The following PATJ variants were observed in gnomAD, a reference collection of about 807,000 sequenced individuals.
PATJ encodes inaD-like protein.
Under a neutral mutation model 224.9 loss-of-function variants are expected in PATJ, and 190 were observed. That is an observed-to-expected ratio of 0.84 (90% CI 0.75 to 0.95). The LOEUF (loss-of-function observed/expected upper bound fraction) is 0.95, where lower values mean the gene tolerates loss of function less well. PATJ is among the 40% of genes least tolerant of loss of function. The pLI is 0.00. For missense variants in PATJ, 2,121 were observed against 2,270.3 expected, an observed-to-expected ratio of 0.93 and a Z score of 1.34; for synonymous variants, 769 against 820.3, an observed-to-expected ratio of 0.94 and a Z score of 1.07.
At position 61,795,549 on chromosome 1, in the gene PATJ, A is replaced by G. The variant is rs2148538552; in HGVS notation, c.1251A>G (p.Lys417=). The stretch of plus-strand genomic sequence containing the variant: ...ATGGCCACATTCAAGTGAATGACAA[A>G]ATAGTTGCTGTAAGTAACTCGCCTC... ...YHNGHIQVND[K]IVAVDGVNIQ... The change falls in exon 10 of 44, where the codon AAA becomes AAG. Residue 417 remains lysine (K), a synonymous_variant. Coordinates refer to ENST00000642238, the MANE Select transcript of PATJ (RefSeq NM_001350145.3). 1 of 1,604,072 alleles carries G rather than the reference A, an allele frequency of 6.2e-7. No individual in the cohort carries two copies. Among genetic ancestry groups the G allele is most frequent in the Non-Finnish European group, 8.5e-7 (1 of 1,171,898 alleles).
rs1557801282 is a variant in PATJ, at chr1:61,875,245, GAA to G, written c.2840_2841del (p.Lys947ArgfsTer15). ...TTTCTATTTTTCTTCCTCTCAAGAT[GAA>G]AGAAAATTTTGTCATGGAGTCCCTA... ...PYGYCPENVM[K>X]ENFVMESLPS... is the part of the protein sequence containing the mutation. On this transcript the variant is annotated frameshift_variant, in exon 21 of 44. Transcript: ENST00000642238. LOFTEE classifies it high-confidence loss of function. 6.3e-7 allele frequency: 1 copy of G among 1,586,134 alleles called. No individual in the cohort carries two copies. The highest frequency in any genetic ancestry group is 8.6e-7 in the Non-Finnish European group (1 of 1,161,564).
intron 37 of PATJ, 171 bp downstream of exon 37, chr1:62,117,389 A>AT: frequency 7.0e-7 from 1 of 1,419,878 alleles, no homozygotes; most frequent in Non-Finnish European, 9.2e-7. Flanking sequence ...TGGGATGGAA[A>AT]TTCATTAATC....
intron 41 of PATJ, among the ~76,000 whole-genome samples, chr1:62,139,068 C>T (rs1490479035): frequency 1.3e-5 from 2 of 151,986 alleles, no homozygotes; most frequent in African/African-American, 4.8e-5. Flanking sequence ...GAACCTTTCG[C>T]AGAAGTTTAC....
intron 22 of PATJ, among the ~76,000 whole-genome samples, chr1:61,896,949 G>A (rs1670454922): frequency 2.0e-5 from 3 of 152,122 alleles, no homozygotes; most frequent in Admixed American, 2.0e-4. Flanking sequence ...CCAGTCTCAG[G>A]TAGTATCTTT....
rs572880350 is a variant in PATJ at position 62,150,067 on chromosome 1, C to T, written c.5378+1677C>T. ...GGCATCTAGCTTCTCATTCCAGTATCTTTGGAAATGGGGGCTGTGTTTGAA... is the reference window on the plus strand; with the variant it reads ...GGCATCTAGCTTCTCATTCCAGTATTTTTGGAAATGGGGGCTGTGTTTGAA... On this transcript the variant is annotated intron_variant, in intron 42 of 43. Coordinates refer to ENST00000642238, the MANE Select transcript of PATJ (RefSeq NM_001350145.3). Among the ~76,000 whole-genome samples the T allele has an allele frequency of 8.5e-5, 13 of 152,244 alleles. No homozygotes were observed. In the South Asian group the frequency reaches 2.3e-3, roughly 27 times the overall value.
At chr1:61,993,486 A>G (rs12756068) in intron 28 of PATJ, among the ~76,000 whole-genome samples, 22,500 of 152,068 alleles carry the variant, frequency 0.15, 2,039 homozygotes, top group Non-Finnish European at 0.21. Flanking sequence ...GTCGGAACTG[A>G]ACATTCCAAG....
At chr1:61,886,980 CA>C (rs112460438) in intron 22 of PATJ, among the ~76,000 whole-genome samples, 30 of 141,740 alleles carry the variant, frequency 2.1e-4, no homozygotes, top group African/African-American at 2.9e-4. Flanking sequence ...GACCCTGTCT[CA>C]AAAAAAAAAT....
intron 20 of PATJ, among the ~76,000 whole-genome samples, chr1:61,873,447 G>T (rs529194509): frequency 6.6e-6 from 1 of 152,224 alleles, no homozygotes; most frequent in South Asian, 2.1e-4. Flanking sequence ...GGGATTATAG[G>T]CATGAGCCAC....
chr1:62,063,840 G>A (rs1313378524), intron 31 of PATJ, among the ~76,000 whole-genome samples: 2 of 152,044 alleles, frequency 1.3e-5, no homozygotes, highest in Non-Finnish European at 2.9e-5. Context: ...ACTGATTTTT[G>A]TTCACTGATT....
intron 33 of PATJ, among the ~76,000 whole-genome samples, chr1:62,097,524 A>C (rs938301512): frequency 3.3e-5 from 5 of 152,146 alleles, no homozygotes; most frequent in East Asian, 3.9e-4. Context: ...CAGCATGTGG[A>C]GAGACCACGT....
intron 29 of PATJ, among the ~76,000 whole-genome samples, chr1:62,030,972 C>T (rs563841776): frequency 3.3e-5 from 5 of 152,194 alleles, no homozygotes; most frequent in East Asian, 1.9e-4. Flanking sequence ...AAGGTATGAA[C>T]GTGGCTTTTT....
rs1463144681 is a variant in PATJ, at chr1:62,106,089, C to T, written c.4378-2348C>T. On this transcript the variant is annotated intron_variant, in intron 33 of 43. Transcript: ENST00000642238. ...ATATATATATATATATACACACACA[C>T]ACACACACACACACACACACACACA... 8.0e-4 allele frequency among the ~76,000 whole-genome samples: 54 copies of T among 67,182 alleles called. 1 individual carries two copies. In the East Asian group the frequency reaches 0.014, roughly 18 times the overall value. The allele number at this position is 67,182 out of a possible 152,430, so 44.1% of individuals were successfully genotyped here. A position where few individuals can be genotyped will look rare whatever the true frequency, so the allele number is the denominator to read the frequency against.
At chr1:61,962,491 G>T (rs1236764524) in intron 27 of PATJ, among the ~76,000 whole-genome samples, 1 of 152,156 alleles carries the variant, frequency 6.6e-6, no homozygotes, top group Non-Finnish European at 1.5e-5. Context: ...TGAAAAAGCA[G>T]ATATAAGGCA....
At chr1:62,045,579 C>T (rs1652383783) in intron 30 of PATJ, among the ~76,000 whole-genome samples, 1 of 152,088 alleles carries the variant, frequency 6.6e-6, no homozygotes, top group Non-Finnish European at 1.5e-5. Context: ...CTGTGGAATC[C>T]ACTGACTGTG....
At chr1:61,890,044 A>G (rs2149102666) in intron 22 of PATJ, among the ~76,000 whole-genome samples, 1 of 152,314 alleles carries the variant, frequency 6.6e-6, no homozygotes, top group South Asian at 2.1e-4. Context: ...TTTCTCAGAC[A>G]TTAGGAGGTC....
chr1:62,047,182 G>A (rs887247736), intron 30 of PATJ, among the ~76,000 whole-genome samples: 3 of 152,228 alleles, frequency 2.0e-5, no homozygotes, highest in Non-Finnish European at 2.9e-5. Context: ...GACCAGAGGT[G>A]GTGGCCATTT....
intron 27 of PATJ, chr1:61,952,507 A>G: frequency 4.3e-6 from 3 of 697,814 alleles, no homozygotes; most frequent in African/African-American, 1.8e-5. Flanking sequence ...AAAGGTTTAG[A>G]CAATGGTAAG....
At chr1:61,801,258 T>G (rs954761945) in intron 11 of PATJ, among the ~76,000 whole-genome samples, 3 of 152,240 alleles carry the variant, frequency 2.0e-5, no homozygotes, top group South Asian at 2.1e-4. Context: ...CCTGACTTTT[T>G]AATGATTGCC....
At position 62,066,354 on chromosome 1, in the gene PATJ, A is replaced by G. The variant is rs573240112; in HGVS notation, c.4126-13096A>G. Among the ~76,000 whole-genome samples the G allele has an allele frequency of 2.6e-5, 4 of 152,134 alleles. No homozygotes were observed. The East Asian group carries it at 7.7e-4, about 29-fold the overall frequency. On this transcript the variant is annotated intron_variant, in intron 31 of 43. Transcript: ENST00000642238. ...TAAGTAATTATTAAGGTTAATAAGT[A>G]TTATTGAAGGACAAGGTAACGTGCT...
Sources: gnomAD v4.1 joint callset for allele counts (sites outside exome capture counted in the v4.1 genomes callset) on GRCh38, gnomAD v4.1.1 for gene constraint, MANE v1.5 for transcripts, NCBI Gene and HGNC (gene_info 2026-07-23, HGNC 2026-07-21) for gene names.